The following CIMAP1D variants were observed in gnomAD, a reference collection of about 807,000 sequenced individuals.
The protein encoded by CIMAP1D is CIMAP1 family member D, also known as protein CIMAP1D.
chr19:483,414 C>T, the CIMAP1D span, among the ~76,000 whole-genome samples: 1 of 152,224 alleles, frequency 6.6e-6, no homozygotes, highest in Admixed American at 6.5e-5. Context: ...AGGCTCCTCC[C>T]CGACAGACCT....
chr19:463,991 G>T, the CIMAP1D span: 1 of 1,609,526 alleles, frequency 6.2e-7, no homozygotes, highest in Non-Finnish European at 8.5e-7. Context: ...GGCAGTGGGC[G>T]CCAGGGCCGG....
At chr19:475,922 C>T in the CIMAP1D span, among the ~76,000 whole-genome samples, 15 of 151,304 alleles carry the variant, frequency 9.9e-5, no homozygotes, top group East Asian at 1.9e-4. Flanking sequence ...TACAGGCACC[C>T]GCCACCACGC....
the CIMAP1D span, among the ~76,000 whole-genome samples, chr19:472,084 AC>A: frequency 6.6e-6 from 1 of 152,238 alleles, no homozygotes; most frequent in Admixed American, 6.5e-5. Flanking sequence ...GTTGCAAAGC[AC>A]TTAAGCAATT....
chr19:463,822 CTG>C, the CIMAP1D span: 13 of 1,599,186 alleles, frequency 8.1e-6, no homozygotes, highest in African/African-American at 1.7e-4. Context: ...CCCCCGTTCA[CTG>C]TGTGGGAAAC....
the CIMAP1D span, among the ~76,000 whole-genome samples, chr19:491,595 C>T: frequency 2.4e-4 from 36 of 152,040 alleles, no homozygotes; most frequent in Non-Finnish European, 1.3e-4. Context: ...GACCAGGGCC[C>T]CAGGCCTCGC....
the CIMAP1D span, among the ~76,000 whole-genome samples, chr19:471,383 C>T: frequency 6.6e-6 from 1 of 151,968 alleles, no homozygotes; most frequent in Non-Finnish European, 1.5e-5. Context: ...CTCCTGACCT[C>T]GGGATCCCCC....
At chr19:488,566 G>C in the CIMAP1D span, among the ~76,000 whole-genome samples, 15 of 152,238 alleles carry the variant, frequency 9.9e-5, no homozygotes, top group Non-Finnish European at 2.1e-4. Flanking sequence ...GAGCGCCCTC[G>C]TCCCTCGCGC....
At chr19:484,234 G>A in the CIMAP1D span, among the ~76,000 whole-genome samples, 6 of 146,608 alleles carry the variant, frequency 4.1e-5, no homozygotes, top group Non-Finnish European at 8.9e-5. Flanking sequence ...TCTGCCTCCC[G>A]GGCTCAAGCG....
chr19:474,863 A>C, the CIMAP1D span: 1 of 874,962 alleles, frequency 1.1e-6, no homozygotes, highest in Non-Finnish European at 1.6e-6. Context: ...GCCTCACCAC[A>C]CCCTCCCACG....
the CIMAP1D span, among the ~76,000 whole-genome samples, chr19:477,653 AT>A: frequency 6.6e-6 from 1 of 152,040 alleles, no homozygotes; most frequent in South Asian, 2.1e-4. Flanking sequence ...CTTTATTTTT[AT>A]TTTTATTTGT....
chr19:487,173 G>A, the CIMAP1D span, among the ~76,000 whole-genome samples: 1 of 152,146 alleles, frequency 6.6e-6, no homozygotes, highest in Admixed American at 6.6e-5. Flanking sequence ...GGCGGCTGGA[G>A]CTGCTCATGC....
At chr19:466,979 T>G in the CIMAP1D span, among the ~76,000 whole-genome samples, 1 of 22,106 alleles carries the variant, frequency 4.5e-5, no homozygotes, top group Non-Finnish European at 7.9e-5. Context: ...GGTGGTTGGG[T>G]GGGTGGGTAG....
the CIMAP1D span, chr19:467,847 C>T: frequency 6.1e-6 from 5 of 820,902 alleles, no homozygotes; most frequent in East Asian, 2.7e-5. Flanking sequence ...CTCTTGGCCC[C>T]GAGACACTCC....
the CIMAP1D span, chr19:490,309 T>C: frequency 3.9e-6 from 1 of 258,632 alleles, no homozygotes; most frequent in Non-Finnish European, 7.2e-6. Context: ...TGAGCCGAGA[T>C]AGCACCACTG....
At chr19:464,067 C>A in the CIMAP1D span, 1 of 1,561,618 alleles carries the variant, frequency 6.4e-7, no homozygotes, top group African/African-American at 1.5e-5. Flanking sequence ...CAGGCGCTGG[C>A]GGTAGGTGTT....
At chr19:470,086 T>G in the CIMAP1D span, among the ~76,000 whole-genome samples, 12 of 152,226 alleles carry the variant, frequency 7.9e-5, no homozygotes, top group East Asian at 2.3e-3. Flanking sequence ...CCCTGGGCCT[T>G]CAGCAAAGTG....
At chr19:465,387 TTGGATGGGCGGG>T in the CIMAP1D span, among the ~76,000 whole-genome samples, 1 of 122,598 alleles carries the variant, frequency 8.2e-6, no homozygotes, top group African/African-American at 3.2e-5. Flanking sequence ...GGGTATGTGG[TTGGATGGGCGGG>T]TGGATGGGTG....
At chr19:464,138 G>C in the CIMAP1D span, 1 of 474,158 alleles carries the variant, frequency 2.1e-6, no homozygotes, top group Non-Finnish European at 3.8e-6. Context: ...GCGGGGGGCG[G>C]GCGGGGGGGG....
chr19:472,630 G>A, the CIMAP1D span: 2 of 559,202 alleles, frequency 3.6e-6, no homozygotes, highest in Non-Finnish European at 6.2e-6. Context: ...GCCCCGGGGA[G>A]CAAGAGGCTG....
Sources: allele counts gnomAD v4.1 joint callset (sites outside exome capture counted in the v4.1 genomes callset), GRCh38; gene constraint gnomAD v4.1.1; transcripts MANE v1.5; gene names NCBI Gene and HGNC (gene_info 2026-07-23, HGNC 2026-07-21).